ATP7B: variants seen among roughly 807,000 people sequenced by gnomAD.
ATP7B encodes ATPase copper transporting beta.
A neutral mutation model predicts 118.9 loss-of-function variants in ATP7B; 113 were observed. The ratio of observed to expected loss-of-function variants is 0.95; its 90% confidence interval spans 0.82 to 1.11. The LOEUF is 1.11. Among genes scored for constraint, ATP7B ranks in the 50% most tolerant of loss-of-function variants. The pLI, the probability that ATP7B is intolerant of heterozygous loss-of-function variation, is 0.00. For synonymous variants in ATP7B, 777 were observed against 727.4 expected (o/e 1.07, Z -1.10); for missense variants, 1,867 against 1,871.4 (o/e 1.00, Z 0.04).
intron 11 of ATP7B, 25 bp downstream of exon 11, chr13:51,949,982 T>C (rs753261097): frequency 3.1e-6 from 5 of 1,614,028 alleles, no homozygotes; most frequent in Non-Finnish European, 4.2e-6. Flanking sequence ...AAAGATGAAG[T>C]TAGTTTTAAA....
chr13:51,978,157 A>G (rs1952219524), intron 1 of ATP7B, among the ~76,000 whole-genome samples: 1 of 152,206 alleles, frequency 6.6e-6, no homozygotes, highest in Non-Finnish European at 1.5e-5. Context: ...ATAACTAAAC[A>G]CAATAAGGAC....
intron 4 of ATP7B, among the ~76,000 whole-genome samples, chr13:51,965,948 G>T (rs1318712423): frequency 1.3e-5 from 2 of 152,158 alleles, no homozygotes; most frequent in Non-Finnish European, 2.9e-5. Flanking sequence ...AAGAAGAGGG[G>T]AGCTCATCTG....
chr13:52,011,283 T>A lies in ATP7B; in HGVS notation c.51+4A>T, dbSNP rs369488210. ...CTGCGCGGACGCGGGGGAACAAAAC[T>A]CACTTTCCGACTGGCCCCTTCTCTG... On this transcript the variant is annotated splice_donor_region_variant and intron_variant, in intron 1 of 20. Transcript: ENST00000242839. The A allele has an allele frequency of 1.5e-5, 24 of 1,614,052 alleles. No homozygotes were observed. The highest frequency in any genetic ancestry group is 1.6e-4 in the Middle Eastern group (1 of 6,084).
chr13:51,972,063 AACACACCACCC>A (rs1951867852), intron 2 of ATP7B, among the ~76,000 whole-genome samples: 4 of 152,104 alleles, frequency 2.6e-5, no homozygotes, highest in Admixed American at 2.6e-4. Context: ...AATCGGTTAC[AACACACCACCC>A]ACACAGCTGC....
intron 1 of ATP7B, among the ~76,000 whole-genome samples, chr13:52,006,681 CT>C (rs1566677030): frequency 6.6e-6 from 1 of 152,236 alleles, no homozygotes; most frequent in Non-Finnish European, 1.5e-5. Flanking sequence ...TAAACAGGGT[CT>C]TCCACAGACC....
rs1957295068 is a variant in ATP7B, at chr13:51,940,979, T to C, written c.3556+102A>G. On this transcript the variant is annotated intron_variant, in intron 16 of 20. Transcript: ENST00000242839. ...GCCTGAAATTAAGAGAGGAAGGCTT[T>C]TGTTTGTCTTCTTTTCTTTTATAAA... 2.6e-6 allele frequency: 4 copies of C among 1,538,202 alleles called. No homozygotes were observed. The South Asian group carries it at 4.5e-5, about 17-fold the overall frequency.
At chr13:51,935,077 CTTTT>C in intron 20 of ATP7B, 48 bp from the exon 21 acceptor site, 1 of 1,264,540 alleles carries the variant, frequency 7.9e-7, no homozygotes, top group Non-Finnish European at 1.1e-6. Flanking sequence ...AGAAACAAGG[CTTTT>C]TTTTTTTCTA....
intron 9 of ATP7B, among the ~76,000 whole-genome samples, chr13:51,953,868 A>AAAAAAAAAAAAAAAAAAC (rs1461098056): frequency 1.3e-3 from 194 of 148,258 alleles, no homozygotes; most frequent in African/African-American, 4.8e-3. Context: ...AAAAAAAAAA[A>AAAAAAAAAAAAAAAAAAC]CCAGAAAATT....
chr13:51,984,866 TGA>T (rs1952578345), intron 1 of ATP7B, among the ~76,000 whole-genome samples: 3 of 152,180 alleles, frequency 2.0e-5, no homozygotes, highest in African/African-American at 7.2e-5. Flanking sequence ...AAGCAAATGC[TGA>T]GAGATTTTGT....
rs1956847079 is a variant in ATP7B, at chr13:51,934,575, A to C, written c.*181T>G. The C allele has an allele frequency of 1.4e-5, 14 of 1,018,248 alleles. 1 individual carries two copies. The highest frequency in any genetic ancestry group is 1.9e-5 in the Non-Finnish European group (13 of 691,696). 63.1% of individuals were successfully genotyped at this position (1,018,248 alleles called of 1,614,324 possible). A position where few individuals can be genotyped will look rare whatever the true frequency, so the allele number is the denominator to read the frequency against. ...AGAGGCAGGCAGGGCCGTCCTCTCC[A>C]GGCCAAGCCCAGCTGCACCCAGACA... On this transcript the variant is annotated 3_prime_UTR_variant, in exon 21 of 21. Transcript: ENST00000242839.
At chr13:51,936,582 T>C (rs1181760193) in intron 19 of ATP7B, among the ~76,000 whole-genome samples, 1 of 152,132 alleles carries the variant, frequency 6.6e-6, no homozygotes, top group Non-Finnish European at 1.5e-5. Context: ...TACAGTACAG[T>C]GGTGCGATCA....
In ATP7B at chr13:51,934,768, C is replaced by T. The variant is rs1386711112; in HGVS notation, c.4386G>A (p.Glu1462=). 3 of 1,613,846 alleles carry T rather than the reference C, an allele frequency of 1.9e-6. No homozygotes were observed. Among genetic ancestry groups the T allele is most frequent in the South Asian group, 1.1e-5 (1 of 91,076 alleles). The stretch of plus-strand genomic sequence containing the variant: ...CTGCCTGAAGTCATCAGATGTACTG[C>T]TCCTCATCCCTGCCATTCAGGAGCA... The part of the protein sequence containing the change: ...WSLLLNGRDE[E]QYI Residue 1462 remains glutamate (E), a synonymous_variant, in exon 21 of 21, where the codon GAG becomes GAA. Coordinates refer to ENST00000242839, the MANE Select transcript of ATP7B (RefSeq NM_000053.4).
At chr13:51,958,100 T>C in intron 8 of ATP7B, 1 of 617,588 alleles carries the variant, frequency 1.6e-6, no homozygotes, top group Non-Finnish European at 2.8e-6. Context: ...GAATGATGGT[T>C]TTAATAATTA....
chr13:51,979,977 G>T (rs1375643350), intron 1 of ATP7B, among the ~76,000 whole-genome samples: 1 of 152,192 alleles, frequency 6.6e-6, no homozygotes, highest in Non-Finnish European at 1.5e-5. Context: ...TAAAGTATCT[G>T]TTGGTCTAGG....
chr13:51,977,423 C>A (rs534147948), intron 1 of ATP7B, among the ~76,000 whole-genome samples: 2 of 152,278 alleles, frequency 1.3e-5, no homozygotes, highest in South Asian at 2.1e-4. Flanking sequence ...TCGGCCTACA[C>A]ATGGTCAGGA....
chr13:51,937,829 G>A, intron 17 of ATP7B, 150 bp from the exon 18 acceptor site: 1 of 893,034 alleles, frequency 1.1e-6, no homozygotes, highest in Non-Finnish European at 1.8e-6. Flanking sequence ...CTGTCACAGG[G>A]CCAGTTTATC....
At chr13:52,006,614 T>G (rs1953784349) in intron 1 of ATP7B, among the ~76,000 whole-genome samples, 1 of 152,242 alleles carries the variant, frequency 6.6e-6, no homozygotes, top group Admixed American at 6.5e-5. Context: ...ACCCTCTGCC[T>G]TGCAGGAGTG....
At chr13:51,986,178 A>C (rs1952642022) in intron 1 of ATP7B, among the ~76,000 whole-genome samples, 1 of 152,204 alleles carries the variant, frequency 6.6e-6, no homozygotes, top group African/African-American at 2.4e-5. Context: ...CCAGACTAAT[A>C]AAGAAGAAAA....
rs1311875368 is a variant in ATP7B, at chr13:51,932,998, A to G, written c.*1758T>C. The G allele has an allele frequency of 6.6e-6, 1 of 152,164 alleles. No homozygotes were observed. Among genetic ancestry groups the G allele is most frequent in the African/African-American group, 2.4e-5 (1 of 41,424 alleles). 9.4% of individuals were successfully genotyped at this position (152,164 alleles called of 1,614,324 possible). On this transcript the variant is annotated 3_prime_UTR_variant, in exon 21 of 21. Coordinates refer to ENST00000242839, the MANE Select transcript of ATP7B (RefSeq NM_000053.4). ...TGGGGGGGCTGAAAACAAGGAAAAC[A>G]CAATCAACAGCGCGCTTGGATTTTA...
Sources: allele counts gnomAD v4.1 joint callset (sites outside exome capture counted in the v4.1 genomes callset), GRCh38; gene constraint gnomAD v4.1.1; transcripts MANE v1.5; gene names NCBI Gene and HGNC (gene_info 2026-07-23, HGNC 2026-07-21).